The following MCF2 variants were observed in gnomAD, a reference collection of about 807,000 sequenced individuals.
The protein encoded by MCF2 is proto-oncogene DBL.
In MCF2, 44 loss-of-function variants were observed where a neutral mutation model predicts 82.5. That is an observed-to-expected ratio of 0.53 (90% confidence interval 0.42 to 0.69). The LOEUF is 0.69. Among genes scored for constraint, MCF2 ranks in the 30% least tolerant of loss-of-function variants. The probability of loss-of-function intolerance (pLI) is 0.00; values close to 1 mark genes in which losing one functional copy is unlikely to be tolerated. For synonymous variants in MCF2, 217 were observed against 224.9 expected, an observed-to-expected ratio of 0.96 and a Z score of 0.32; for missense variants, 623 against 663.1, an observed-to-expected ratio of 0.94 and a Z score of 0.66.
intron 1 of MCF2, among the ~76,000 whole-genome samples, chrX:139,690,575 G>A (rs1490859324): frequency 9.0e-6 from 1 of 110,775 alleles, no homozygotes; most frequent in Non-Finnish European, 1.9e-5. Flanking sequence ...AACAAAACAA[G>A]CAAGACCAAA....
chrX:139,706,960 A>C (rs777315683), intron 1 of MCF2, among the ~76,000 whole-genome samples: 41 of 110,597 alleles, frequency 3.7e-4, no homozygotes, highest in East Asian at 1.7e-3. Flanking sequence ...TGTATTCCCC[A>C]AAAAAATGAT....
chrX:139,665,926 T>C lies in MCF2; in HGVS notation c.-44-14138A>G, dbSNP rs1442336407. ...ATATATATATATATATATATATATA[T>C]ACACACACACACAAACCATATATAT... is the stretch of plus-strand genomic sequence containing the variant. On this transcript the variant is annotated intron_variant, in intron 1 of 27. Transcript: ENST00000414978. 8.2e-3 allele frequency among the ~76,000 whole-genome samples: 603 copies of C among 73,214 alleles called. 4 individuals carry two copies. The highest frequency in any genetic ancestry group is 0.018 in the African/African-American group (188 of 10,375). The allele number at this position is 73,214 out of a possible 115,157, so 63.6% of individuals were successfully genotyped here.
Position 139,598,281 on chromosome X carries a change from T to C in MCF2, c.1929+125A>G, listed in dbSNP as rs779559155. 1.8e-5 allele frequency: 8 copies of C among 450,682 alleles called. No individual in the cohort carries two copies. The East Asian group carries it at 3.0e-4, about 17-fold the overall frequency. 37.1% of individuals were successfully genotyped at this position (450,682 alleles called of 1,213,427 possible). ...GAGCACACTGCAAAATTCTGCCAAA[T>C]CCAGCCTTCCCAGTCATTGAGCCTA... On this transcript the variant is annotated intron_variant, in intron 17 of 24. Transcript: ENST00000370576.
chrX:139,613,412 C>T, intron 10 of MCF2, 149 bp from the exon 14 acceptor site: 1 of 411,738 alleles, frequency 2.4e-6, no homozygotes, highest in Non-Finnish European at 4.2e-6. Context: ...AGGTGTACCA[C>T]TTTAAGAACC....
At chrX:139,693,894 T>C (rs775426521) in intron 1 of MCF2, among the ~76,000 whole-genome samples, 1 of 112,448 alleles carries the variant, frequency 8.9e-6, no homozygotes, top group Non-Finnish European at 1.9e-5. Context: ...GATCTGCATA[T>C]GGACAGATGC....
chrX:139,635,207 G>A (rs1328642246), intron 1 of MCF2, among the ~76,000 whole-genome samples: 2 of 111,715 alleles, frequency 1.8e-5, no homozygotes, highest in Non-Finnish European at 3.8e-5. Context: ...GCAGCAGATT[G>A]CCAAGAGCCC....
intron 1 of MCF2, among the ~76,000 whole-genome samples, chrX:139,652,269 C>A (rs1934048625): frequency 1.8e-5 from 2 of 111,674 alleles, no homozygotes; most frequent in South Asian, 7.6e-4. Context: ...AAGTGGTTAA[C>A]CATATAGGCT....
At chrX:139,608,728 G>A (rs889052766) in intron 11 of MCF2, among the ~76,000 whole-genome samples, 4 of 111,738 alleles carry the variant, frequency 3.6e-5, no homozygotes, top group African/African-American at 6.5e-5. Context: ...GGCAACCACA[G>A]TCCTAGGTGC....
intron 20 of MCF2, among the ~76,000 whole-genome samples, 154 bp downstream of exon 24, chrX:139,589,681 A>G (rs1929320868): frequency 8.9e-6 from 1 of 112,172 alleles, no homozygotes; most frequent in Non-Finnish European, 1.9e-5. Flanking sequence ...AAACATTTAA[A>G]TACATCACAA....
chrX:139,596,519 T>C, intron 19 of MCF2, 30 bp downstream of exon 23: 1 of 1,104,712 alleles, frequency 9.1e-7, no homozygotes, highest in Non-Finnish European at 1.3e-6. Flanking sequence ...CACGAAACAA[T>C]ACTACATTAC....
rs777106276 is a variant in MCF2, at chrX:139,628,786, A to G, written c.438+909T>C. Among the ~76,000 whole-genome samples the G allele has an allele frequency of 6.3e-5, 7 of 111,932 alleles. No homozygotes were observed. In the East Asian group the frequency reaches 1.7e-3, roughly 27 times the overall value. ...GATTATTCTTAAACTTTCTGAAGAA[A>G]GTGGATCCAAAAAATACTTGCTGAT... On this transcript the variant is annotated intron_variant, in intron 4 of 24. Transcript: ENST00000370576.
At chrX:139,606,302 G>A (rs543536893) in intron 12 of MCF2, among the ~76,000 whole-genome samples, 4 of 109,434 alleles carry the variant, frequency 3.7e-5, no homozygotes, top group Non-Finnish European at 3.8e-5. Flanking sequence ...AAAGGAGGCC[G>A]CAGATTTTTT....
intron 6 of MCF2, among the ~76,000 whole-genome samples, chrX:139,625,980 T>G (rs1203276908): frequency 8.9e-6 from 1 of 111,785 alleles, no homozygotes; most frequent in African/African-American, 3.3e-5. Context: ...AGTTTGATAC[T>G]TTCTCAAAGG....
At chrX:139,614,753 T>C in intron 10 of MCF2, 128 bp downstream of exon 13, 1 of 620,132 alleles carries the variant, frequency 1.6e-6, no homozygotes, top group Non-Finnish European at 2.5e-6. Context: ...ACAATATAAA[T>C]ATGACCAAAG....
chrX:139,633,928 A>T (rs1933055794), intron 1 of MCF2, among the ~76,000 whole-genome samples: 1 of 111,430 alleles, frequency 9.0e-6, no homozygotes, highest in Admixed American at 9.6e-5. Flanking sequence ...CCGAGAAAGG[A>T]GGTACTAGGA....
intron 1 of MCF2, among the ~76,000 whole-genome samples, chrX:139,673,045 A>T (rs1483321401): frequency 9.0e-6 from 1 of 111,458 alleles, no homozygotes; most frequent in East Asian, 2.8e-4. Flanking sequence ...TAGTCTTGGG[A>T]GGGTGTATGT....
chrX:139,605,626 T>C, intron 13 of MCF2, 87 bp downstream of exon 17: 1 of 780,585 alleles, frequency 1.3e-6, no homozygotes, highest in Non-Finnish European at 1.9e-6. Flanking sequence ...GAGACGGAAG[T>C]AGAAGATTGC....
At chrX:139,651,590 T>C (rs1311174815) in intron 2 of MCF2, 130 bp downstream of exon 2, 2 of 376,298 alleles carry the variant, frequency 5.3e-6, no homozygotes, top group African/African-American at 5.1e-5. Flanking sequence ...TTTATTGAAA[T>C]AGTGCTTCTC....
intron 2 of MCF2, among the ~76,000 whole-genome samples, chrX:139,648,486 G>C (rs145603077): frequency 3.0e-3 from 339 of 111,319 alleles, no homozygotes; most frequent in African/African-American, 0.01. Context: ...TGGGACAAAT[G>C]GGAAAAGCTA....
Sources: gnomAD v4.1 joint callset for allele counts (sites outside exome capture counted in the v4.1 genomes callset) on GRCh38, gnomAD v4.1.1 for gene constraint, MANE v1.5 for transcripts, NCBI Gene and HGNC (gene_info 2026-07-23, HGNC 2026-07-21) for gene names.